The following AKR7A2 variants were observed in gnomAD, a reference collection of about 807,000 sequenced individuals.
AKR7A2 encodes aldo-keto reductase family 7 member A2.
AKR7A2 carries 29 observed loss-of-function variants against 37.3 expected under a neutral mutation model. The observed-to-expected ratio is 0.78, with a 90% CI of 0.58 to 1.06. The LOEUF (loss-of-function observed/expected upper bound fraction) is 1.06, where lower values mean the gene tolerates loss of function less well. Ranked by LOEUF, AKR7A2 falls within the 50% of genes least tolerant of loss-of-function variation. The pLI is 0.00. For missense variants in AKR7A2, 529 were observed against 497.9 expected (o/e 1.06, Z -0.59); for synonymous variants, 228 against 217.8 (o/e 1.05, Z -0.41).
intron 6 of AKR7A2, chr1:19,304,931 T>G (rs1242327006): frequency 1.2e-5 from 2 of 160,522 alleles, no homozygotes; most frequent in African/African-American, 4.8e-5. Context: ...AGAGTGAGAC[T>G]CTGTCTCAAA....
At chr1:19,306,349 G>A (rs1569688776) in intron 5 of AKR7A2, among the ~76,000 whole-genome samples, 4 of 152,176 alleles carry the variant, frequency 2.6e-5, no homozygotes, top group Admixed American at 2.6e-4. Context: ...AGACCTCAAT[G>A]GATCTTTACT....
intron 5 of AKR7A2, among the ~76,000 whole-genome samples, 167 bp from the exon 6 acceptor site, chr1:19,306,314 C>T (rs2093761627): frequency 2.0e-5 from 3 of 152,186 alleles, no homozygotes; most frequent in Admixed American, 1.3e-4. Flanking sequence ...ATCAGAACCA[C>T]CCAGGATGCT....
intron 3 of AKR7A2, among the ~76,000 whole-genome samples, 178 bp from the exon 4 acceptor site, chr1:19,307,588 A>T (rs2093764081): frequency 6.6e-6 from 1 of 152,174 alleles, no homozygotes; most frequent in Non-Finnish European, 1.5e-5. Context: ...ATTGAAGTGG[A>T]ATGGTATCTT....
intron 6 of AKR7A2, 102 bp downstream of exon 6, chr1:19,305,916 A>C: frequency 6.3e-7 from 1 of 1,593,694 alleles, no homozygotes; most frequent in South Asian, 1.1e-5. Flanking sequence ...AAGAAAGAAA[A>C]ATTTCAGAGG....
downstream of AKR7A2, among the ~76,000 whole-genome samples, chr1:19,303,532 A>G (rs2093755776): frequency 6.6e-6 from 1 of 152,218 alleles, no homozygotes; most frequent in Admixed American, 6.5e-5. Context: ...GGAGGCCCAG[A>G]GCCAAGACTG....
At chr1:19,309,936 C>T (rs1287400472) in intron 1 of AKR7A2, among the ~76,000 whole-genome samples, 1 of 151,930 alleles carries the variant, frequency 6.6e-6, no homozygotes. Flanking sequence ...ATTAGCCAGG[C>T]GTGGTGGCAC....
chr1:19,308,065 T>G (rs1010838757), intron 3 of AKR7A2, 93 bp downstream of exon 3: 1 of 1,512,998 alleles, frequency 6.6e-7, no homozygotes, highest in African/African-American at 1.4e-5. Context: ...GTGGCTGCTA[T>G]GCAGACGGCA....
At position 19,304,118 on chromosome 1, in the gene AKR7A2, G is replaced by A. The variant is rs2093756791; in HGVS notation, c.*107C>T. 7 of 1,559,374 alleles carry A rather than the reference G, an allele frequency of 4.5e-6. No homozygotes were observed. In the South Asian group the frequency reaches 7.8e-5, roughly 17 times the overall value. Reference sequence around the variant, plus strand: ...GCTAGAAAAATAATGCATGGATCTAGACAATTCAGAAAAACCCTTCTAAGT... The same window carrying A: ...GCTAGAAAAATAATGCATGGATCTAAACAATTCAGAAAAACCCTTCTAAGT... On this transcript the variant is annotated 3_prime_UTR_variant, in exon 7 of 7. Coordinates refer to ENST00000235835, the MANE Select transcript of AKR7A2 (RefSeq NM_003689.4).
chr1:19,308,693 C>T (rs767311762), intron 1 of AKR7A2, 51 bp from the exon 2 acceptor site: 28 of 1,554,548 alleles, frequency 1.8e-5, no homozygotes, highest in Middle Eastern at 3.4e-4. Flanking sequence ...CATTTGCTAA[C>T]CATGTAACCC....
chr1:19,306,263 C>T (rs2231204), intron 5 of AKR7A2, 116 bp from the exon 6 acceptor site: 113,932 of 1,439,870 alleles, frequency 0.079, 5,093 homozygotes, highest in Non-Finnish European at 0.095. Flanking sequence ...CCCTGAGGGG[C>T]GGGTGTCCTC....
chr1:19,307,077 T>A lies in AKR7A2; in HGVS notation c.713A>T (p.Lys238Met). The change falls in exon 5 of 7, where the codon AAG (lysine) becomes ATG (methionine). Residue 238 changes from lysine (K) to methionine (M), a missense_variant. By Grantham distance (95) the Lys-to-Met change is moderately conservative (BLOSUM62 -1). Transcript: ENST00000235835. ...LAGGLLTGKYKYEDKDGKQPV... is the reference protein window; with the variant it reads ...LAGGLLTGKYMYEDKDGKQPV... ...CTGTTTCCCGTCCTTGTCCTCATAC[T>A]TGTACTTGCCAGTCAGCAGGCCCCC... 6.2e-7 allele frequency: 1 copy of A among 1,614,184 alleles called. No individual in the cohort carries two copies. The highest frequency in any genetic ancestry group is 1.7e-5 in the Admixed American group (1 of 60,026).
At chr1:19,307,259 T>G in intron 4 of AKR7A2, 55 bp downstream of exon 4, 1 of 1,610,232 alleles carries the variant, frequency 6.2e-7, no homozygotes. Context: ...AATTCTGGGC[T>G]GGGCATCTGT....
chr1:19,310,192 G>A (rs748294779), intron 1 of AKR7A2, among the ~76,000 whole-genome samples: 6 of 152,298 alleles, frequency 3.9e-5, no homozygotes, highest in Admixed American at 1.3e-4. Flanking sequence ...AGGGTGTCAC[G>A]AGATCAGTTG....
Position 19,306,114 on chromosome 1 carries a change from C to A in AKR7A2, c.822G>T (p.Ala274=). ...CGGCCTGCAGGGCCTTCTCCACCAACGCAATGGCCTCGAAGTGGTGCTCCT... is the reference window on the plus strand; with the variant it reads ...CGGCCTGCAGGGCCTTCTCCACCAAAGCAATGGCCTCGAAGTGGTGCTCCT... ...FWKEHHFEAI[A]LVEKALQAAY... Residue 274 remains alanine (A), a synonymous_variant, in exon 6 of 7, where the codon GCG becomes GCT. Coordinates refer to ENST00000235835, the MANE Select transcript of AKR7A2 (RefSeq NM_003689.4). 1 of 1,614,196 alleles carries A rather than the reference C, an allele frequency of 6.2e-7. No individual in the cohort carries two copies.
At chr1:19,305,494 C>T (rs1348237469) in intron 6 of AKR7A2, among the ~76,000 whole-genome samples, 5 of 152,202 alleles carry the variant, frequency 3.3e-5, no homozygotes, top group African/African-American at 1.2e-4. Context: ...CAAGCCATCA[C>T]AACCTGGCTA....
In AKR7A2 at chr1:19,308,234, T is replaced by G; in HGVS notation, c.515A>C (p.Asn172Thr). ...EGKFVELGLSNYASWEVAEIC... is the reference protein window; with the variant it reads ...EGKFVELGLSTYASWEVAEIC... ...CTCGGCCACTTCCCAGCTAGCATAG[T>G]TGGAGAGGCCAAGCTCCACGAACTT... The change falls in exon 3 of 7, where the codon AAC becomes ACC. Residue 172 changes from asparagine to threonine, a missense_variant. Coordinates refer to ENST00000235835, the MANE Select transcript of AKR7A2 (RefSeq NM_003689.4). 1 of 1,613,106 alleles carries G rather than the reference T, an allele frequency of 6.2e-7. No homozygotes were observed. The highest frequency in any genetic ancestry group is 8.5e-7 in the Non-Finnish European group (1 of 1,179,628).
intron 6 of AKR7A2, among the ~76,000 whole-genome samples, chr1:19,304,655 G>A (rs1459670037): frequency 1.3e-5 from 2 of 152,274 alleles, no homozygotes; most frequent in East Asian, 3.9e-4. Flanking sequence ...GGCTAAGTTG[G>A]CTGGGCACAG....
Position 19,311,947 on chromosome 1 carries a change from C to A in AKR7A2, c.178G>T (p.Val60Leu). ...TGGCCGCGCTCCAGAAAGGCGCGCA[C>A]GGCCGCGGCGCTGGCGGGCGCGTCC... is the stretch of plus-strand genomic sequence containing the variant. ...RMDAPASAAA[V>L]RAFLERGHTE... Residue 60 changes from valine (V) to leucine (L), a missense_variant, in exon 1 of 7, where the codon GTG (valine) becomes TTG (leucine). Physicochemically the swap from Val to Leu is conservative, Grantham distance 32. Coordinates refer to ENST00000235835, the MANE Select transcript of AKR7A2 (RefSeq NM_003689.4). 6.3e-7 allele frequency: 1 copy of A among 1,594,704 alleles called. No individual in the cohort carries two copies. The highest frequency in any genetic ancestry group is 8.5e-7 in the Non-Finnish European group (1 of 1,171,766).
rs1438134594 is a variant in AKR7A2, at chr1:19,311,939, G to A, written c.186C>T (p.Ala62=). The A allele has an allele frequency of 1.2e-6, 2 of 1,601,788 alleles. No individual in the cohort carries two copies. The highest frequency in any genetic ancestry group is 3.4e-5 in the Admixed American group (2 of 58,402). ...GTTCGGTGTGGCCGCGCTCCAGAAA[G>A]GCGCGCACGGCCGCGGCGCTGGCGG... is the stretch of plus-strand genomic sequence containing the variant. The part of the protein sequence containing the change: ...DAPASAAAVR[A]FLERGHTELD... The change falls in exon 1 of 7, where the codon GCC becomes GCT. Residue 62 remains alanine (A), a synonymous_variant. Transcript: ENST00000235835.
Sources: allele counts gnomAD v4.1 joint callset (sites outside exome capture counted in the v4.1 genomes callset), GRCh38; gene constraint gnomAD v4.1.1; transcripts MANE v1.5; gene names NCBI Gene and HGNC (gene_info 2026-07-23, HGNC 2026-07-21).